The following PKHD1L1 variants were observed in gnomAD, a reference collection of about 807,000 sequenced individuals.
The protein encoded by PKHD1L1 is fibrocystin-L.
In PKHD1L1, 434 loss-of-function variants were observed where a neutral mutation model predicts 462.9. The ratio of observed to expected loss-of-function variants is 0.94; its 90% CI spans 0.87 to 1.02. PKHD1L1 has a LOEUF of 1.02. Ranked by LOEUF, PKHD1L1 falls within the 50% of genes least tolerant of loss-of-function variation. PKHD1L1 has a pLI of 0.00. For missense variants in PKHD1L1, 5,202 were observed against 5,096.1 expected (o/e 1.02, Z -0.63); for synonymous variants, 1,781 against 1,750.0 (o/e 1.02, Z -0.44).
At chr8:109,365,707 G>A (rs1811194443) in intron 2 of PKHD1L1, among the ~76,000 whole-genome samples, 1 of 152,194 alleles carries the variant, frequency 6.6e-6, no homozygotes, top group African/African-American at 2.4e-5. Flanking sequence ...TAGGCGCGGT[G>A]GCTCAAGCCC....
Position 109,493,692 on chromosome 8 carries a change from A to G in PKHD1L1, c.10268A>G (p.Asn3423Ser). 1 of 1,609,918 alleles carries G rather than the reference A, an allele frequency of 6.2e-7. No homozygotes were observed. Among genetic ancestry groups the G allele is most frequent in the Non-Finnish European group, 8.5e-7 (1 of 1,177,658 alleles). Residue 3423 changes from asparagine to serine, a missense_variant, in exon 63 of 78, where the codon AAT (asparagine) becomes AGT (serine). Transcript: ENST00000378402. ...INRGTNTVLQ[N>S]NVVAGFGRAG... Reference sequence around the variant, plus strand: ...AGAGGGACCAATACAGTTTTACAGAATAATGTAGTGGCTGGATTTGGAAGA... The same window carrying G: ...AGAGGGACCAATACAGTTTTACAGAGTAATGTAGTGGCTGGATTTGGAAGA...
At position 109,497,273 on chromosome 8, in the gene PKHD1L1, G is replaced by T. The variant is rs1819144591; in HGVS notation, c.10599+1G>T. ...TTCCAGTAAAAATGTACAAATTAAG[G>T]TAAGAAATTAATACAGCCACACCAT... On this transcript the variant is annotated splice_donor_variant, in intron 65 of 77. Coordinates refer to ENST00000378402, the MANE Select transcript of PKHD1L1 (RefSeq NM_177531.6). LOFTEE classifies it high-confidence loss of function. 12 of 1,612,596 alleles carry T rather than the reference G, an allele frequency of 7.4e-6. No homozygotes were observed. The highest frequency in any genetic ancestry group is 2.2e-5 in the East Asian group (1 of 44,832).
In PKHD1L1 at chr8:109,477,394, T is replaced by C. The variant is rs746137069; in HGVS notation, c.9087T>C (p.Tyr3029=). The stretch of plus-strand genomic sequence containing the variant: ...TTCCCAAGAAGCGACCAGCCACATA[T>C]AAGTACATAGGCCTTTTGTAGTTGA... The part of the protein sequence containing the change: ...KPIPKKRPAT[Y]NLWSNDSFWQ... Residue 3029 remains tyrosine, a splice_region_variant and synonymous_variant, in exon 53 of 78, where the codon TAT becomes TAC. Transcript: ENST00000378402. 3.7e-6 allele frequency: 6 copies of C among 1,611,324 alleles called. No individual in the cohort carries two copies. Among genetic ancestry groups the C allele is most frequent in the South Asian group, 2.2e-5 (2 of 90,932 alleles).
chr8:109,508,426 TC>T, intron 70 of PKHD1L1, among the ~76,000 whole-genome samples, 162 bp downstream of exon 70: 1 of 152,060 alleles, frequency 6.6e-6, no homozygotes, highest in Non-Finnish European at 1.5e-5. Context: ...AGAGACTTGA[TC>T]CTGCAGTACC....
intron 46 of PKHD1L1, among the ~76,000 whole-genome samples, chr8:109,457,401 A>G (rs1172425074): frequency 2.0e-5 from 3 of 152,156 alleles, no homozygotes; most frequent in African/African-American, 7.2e-5. Flanking sequence ...GAAAATCTTC[A>G]TTTATGGCTT....
intron 2 of PKHD1L1, among the ~76,000 whole-genome samples, chr8:109,374,900 G>A (rs887624144): frequency 1.1e-4 from 16 of 152,196 alleles, no homozygotes; most frequent in Admixed American, 2.0e-4. Flanking sequence ...CCCTTTGTGG[G>A]TAACCCGATC....
In PKHD1L1 at chr8:109,445,089, C is replaced by A. The variant is rs1396155431; in HGVS notation, c.5220C>A (p.Thr1740=). The change falls in exon 38 of 78, where the codon ACC becomes ACA. Residue 1740 remains threonine (T), a synonymous_variant. Coordinates refer to ENST00000378402, the MANE Select transcript of PKHD1L1 (RefSeq NM_177531.6). ...CTGCCCAGTGCCAGGGAAACTGCAC[C>A]TTTTCATACTTAGAAAGCATCACTC... ...GVPAQCQGNC[T]FSYLESITPY... is the part of the protein sequence containing the mutation. The A allele has an allele frequency of 1.9e-6, 3 of 1,613,782 alleles. No individual in the cohort carries two copies. The highest frequency in any genetic ancestry group is 2.7e-5 in the African/African-American group (2 of 74,894).
At chr8:109,449,240 A>G (rs773098244) in intron 39 of PKHD1L1, 98 bp from the exon 40 acceptor site, 51 of 1,206,170 alleles carry the variant, frequency 4.2e-5, no homozygotes, top group Non-Finnish European at 5.0e-5. Flanking sequence ...ATTTAATGTA[A>G]CTTACTTTTA....
intron 64 of PKHD1L1, 41 bp downstream of exon 64, chr8:109,497,108 T>C (rs201781703): frequency 1.2e-6 from 2 of 1,612,962 alleles, no homozygotes; most frequent in Admixed American, 3.3e-5. Context: ...TTTTCTTTTA[T>C]GATTGTCCTT....
chr8:109,428,600 A>G (rs1236288857), intron 25 of PKHD1L1, among the ~76,000 whole-genome samples: 2 of 152,210 alleles, frequency 1.3e-5, no homozygotes, highest in African/African-American at 4.8e-5. Context: ...AGAGAACTCC[A>G]CAATGAAGAT....
intron 8 of PKHD1L1, among the ~76,000 whole-genome samples, chr8:109,389,632 A>T (rs1393717428): frequency 6.6e-6 from 1 of 151,418 alleles, no homozygotes; most frequent in Non-Finnish European, 1.5e-5. Context: ...GCTTCAAGTG[A>T]TTATTGTGCC....
rs189907709 is a variant in PKHD1L1, at chr8:109,381,411, G to T, written c.205G>T (p.Ala69Ser). ...CCAGTTTAACTATGGAGTTGATAAC[G>T]CTGAGTTGGGAAACAGTGTGCAATT... Reference protein sequence around the residue: ...ANQFNYGVDNAELGNSVQLIS... With the variant: ...ANQFNYGVDNSELGNSVQLIS... Residue 69 changes from alanine to serine, a missense_variant, in exon 3 of 78, where the codon GCT becomes TCT. Ala to Ser is a moderately conservative substitution (Grantham distance 99). Around this residue, in one of 3 missense-constraint regions of PKHD1L1, gnomAD observed 4,497 missense variants for 4,336.8 expected, o/e 1.04. Coordinates refer to ENST00000378402, the MANE Select transcript of PKHD1L1 (RefSeq NM_177531.6). The T allele has an allele frequency of 7.6e-3, 12,050 of 1,581,972 alleles. 75 individuals are homozygous for T. Among genetic ancestry groups the T allele is most frequent in the Middle Eastern group, 0.029 (172 of 6,018 alleles).
intron 77 of PKHD1L1, among the ~76,000 whole-genome samples, chr8:109,529,066 T>C (rs1052088928): frequency 6.6e-6 from 1 of 152,096 alleles, no homozygotes; most frequent in Non-Finnish European, 1.5e-5. Context: ...CTAAAGCATA[T>C]TGAGCAATAA....
intron 43 of PKHD1L1, among the ~76,000 whole-genome samples, chr8:109,453,853 A>G (rs1031757514): frequency 1.3e-5 from 2 of 152,098 alleles, no homozygotes; most frequent in African/African-American, 4.8e-5. Flanking sequence ...GTGTTTGTAC[A>G]ACGAATTTGC....
At chr8:109,377,699 T>C (rs894196607) in intron 2 of PKHD1L1, among the ~76,000 whole-genome samples, 1 of 152,204 alleles carries the variant, frequency 6.6e-6, no homozygotes, top group African/African-American at 2.4e-5. Flanking sequence ...TAAAATTCCA[T>C]AGATGTGTGT....
chr8:109,443,730 A>T lies in PKHD1L1; in HGVS notation c.4619A>T (p.Glu1540Val). 1.2e-6 allele frequency: 2 copies of T among 1,613,764 alleles called. No homozygotes were observed. Among genetic ancestry groups the T allele is most frequent in the Admixed American group, 3.3e-5 (2 of 60,002 alleles). ...GSSVAGCLAT[E>V]PLCSLNNTRV... ...TCTGTGGCAGGCTGCCTAGCAACAG[A>T]ACCCCTGTGCAGCCTGAACAATACC... The change falls in exon 37 of 78, where the codon GAA becomes GTA. Residue 1540 changes from glutamate to valine, a missense_variant. This residue lies in a region of PKHD1L1 where 4,497 missense variants were observed against 4,336.8 expected (regional missense o/e 1.04). Transcript: ENST00000378402.
chr8:109,420,568 G>T lies in PKHD1L1; in HGVS notation c.2575G>T (p.Glu859Ter). Residue 859 changes from glutamate to a stop codon, truncating the protein, a stop_gained, in exon 23 of 78, where the codon GAG becomes TAG. Transcript: ENST00000378402. LOFTEE classifies it high-confidence loss of function. ...PALANKGIFL[E>*]HFQVNQTKTN... ...ATTAGCAAATAAAGGAATATTCTTA[G>T]AGCACTTTCAGGTGAATCAGACCAA... 5 of 1,608,956 alleles carry T rather than the reference G, an allele frequency of 3.1e-6. No homozygotes were observed. The highest frequency in any genetic ancestry group is 4.2e-6 in the Non-Finnish European group (5 of 1,177,910).
At position 109,445,066 on chromosome 8, in the gene PKHD1L1, G is replaced by T. The variant is rs544463896; in HGVS notation, c.5197G>T (p.Ala1733Ser). 8 of 1,613,810 alleles carry T rather than the reference G, an allele frequency of 5.0e-6. No individual in the cohort carries two copies. The Admixed American group carries it at 5.0e-5, about 10-fold the overall frequency. The part of the protein sequence containing the change: ...DVDLLIHGVP[A>S]QCQGNCTFSY... ...AGATCTTCTAATACATGGAGTGCCT[G>T]CCCAGTGCCAGGGAAACTGCACCTT... Residue 1733 changes from alanine (A) to serine (S), a missense_variant, in exon 38 of 78, where the codon GCC becomes TCC. Physicochemically the swap from Ala to Ser is moderately conservative, Grantham distance 99 (BLOSUM62 1). Transcript: ENST00000378402.
Position 109,452,259 on chromosome 8 carries a change from AGGTGTCGGCAT to A in PKHD1L1, c.6489_6499del (p.Val2164GlnfsTer4). On this transcript the variant is annotated frameshift_variant, in exon 42 of 78. Coordinates refer to ENST00000378402, the MANE Select transcript of PKHD1L1 (RefSeq NM_177531.6). LOFTEE classifies it high-confidence loss of function. ...GGGCTCCAGTTTGTGTCCACATCAGAGGTGTCGGCATGGCCAAACTGGTAATAGTGCTGTTG... is the reference window on the plus strand; with the variant it reads ...GGGCTCCAGTTTGTGTCCACATCAGAGGCCAAACTGGTAATAGTGCTGTTG... 1 of 1,605,754 alleles carries A rather than the reference AGGTGTCGGCAT, an allele frequency of 6.2e-7. No individual in the cohort carries two copies. The highest frequency in any genetic ancestry group is 8.5e-7 in the Non-Finnish European group (1 of 1,175,074).
Sources: gnomAD v4.1 joint callset for allele counts (sites outside exome capture counted in the v4.1 genomes callset) on GRCh38, gnomAD v4.1.1 for gene constraint, gnomAD v4.1.1 regional missense constraint, MANE v1.5 for transcripts, NCBI Gene and HGNC (gene_info 2026-07-23, HGNC 2026-07-21) for gene names.